HYAL3: variants seen among roughly 807,000 people sequenced by gnomAD.
The protein encoded by HYAL3 is hyaluronidase-3.
HYAL3 carries 25 observed loss-of-function variants against 29.6 expected under a neutral mutation model. That is an observed-to-expected ratio of 0.85 (90% CI 0.62 to 1.18). The LOEUF (loss-of-function observed/expected upper bound fraction) is 1.18, where lower values mean the gene tolerates loss of function less well. Ranked by LOEUF, HYAL3 falls within the 50% of genes most tolerant of loss-of-function variation. HYAL3 has a pLI of 0.00. For synonymous variants in HYAL3, 215 were observed against 218.3 expected (o/e 0.99, Z 0.13); for missense variants, 442 against 548.4 (o/e 0.81, Z 1.94).
rs1553710180 is a variant in HYAL3 at position 50,292,848 on chromosome 3, CT to C, written c.*397del. 2 of 1,495,274 alleles carry C rather than the reference CT, an allele frequency of 1.3e-6. No individual in the cohort carries two copies. The highest frequency in any genetic ancestry group is 9.0e-7 in the Non-Finnish European group (1 of 1,114,292). 92.6% of individuals were successfully genotyped at this position (1,495,274 alleles called of 1,614,324 possible). On this transcript the variant is annotated 3_prime_UTR_variant, in exon 4 of 4. Transcript: ENST00000336307. ...AACCTCAGGCAGTGGAAAAAAGTGA[CT>C]TTATGATGAAAGAGTGCAGACAACA...
chr3:50,297,257 G>T lies in HYAL3; in HGVS notation c.-17-1638C>A. ...GGTCAGCACAAGCATCCAGGAGCTCGGGTCGGCGGTGCACAGGCTCCAGGG... is the reference window on the plus strand; with the variant it reads ...GGTCAGCACAAGCATCCAGGAGCTCTGGTCGGCGGTGCACAGGCTCCAGGG... On this transcript the variant is annotated intron_variant, in intron 1 of 3. Transcript: ENST00000336307. The surrounding 1 kb of genome is among the most constrained non-coding windows in gnomAD (Gnocchi z 4.3). 6.2e-7 allele frequency: 1 copy of T among 1,610,384 alleles called. No homozygotes were observed. Among genetic ancestry groups the T allele is most frequent in the Non-Finnish European group, 8.5e-7 (1 of 1,177,598 alleles).
At position 50,297,334 on chromosome 3, in the gene HYAL3, C is replaced by A; in HGVS notation, c.-17-1715G>T. 1 of 1,609,164 alleles carries A rather than the reference C, an allele frequency of 6.2e-7. No homozygotes were observed. Among genetic ancestry groups the A allele is most frequent in the Non-Finnish European group, 8.5e-7 (1 of 1,177,096 alleles). ...GTCTCCTCTGGCTGGTGTTCAGGATCCAGGGTAAGCTCAGTTGGACCAGGA... is the reference window on the plus strand; with the variant it reads ...GTCTCCTCTGGCTGGTGTTCAGGATACAGGGTAAGCTCAGTTGGACCAGGA... On this transcript the variant is annotated intron_variant, in intron 1 of 3. Coordinates refer to ENST00000336307, the MANE Select transcript of HYAL3 (RefSeq NM_003549.4). This position sits in a 1 kb window ranked among gnomAD's most constrained non-coding sequence, Gnocchi z 4.3.
Position 50,293,180 on chromosome 3 carries a change from A to C in HYAL3, c.*66T>G. The C allele has an allele frequency of 1.2e-6, 2 of 1,600,234 alleles. No individual in the cohort carries two copies. Among genetic ancestry groups the C allele is most frequent in the Non-Finnish European group, 1.7e-6 (2 of 1,168,804 alleles). On this transcript the variant is annotated 3_prime_UTR_variant, in exon 4 of 4. Coordinates refer to ENST00000336307, the MANE Select transcript of HYAL3 (RefSeq NM_003549.4). ...AAACTGAATAGAGCAAGAGTGGGAC[A>C]GAGTAGTTCCAGGACTGGAAAAGTG... is the stretch of plus-strand genomic sequence containing the variant.
Position 50,297,377 on chromosome 3 carries a change from T to G in HYAL3, c.-17-1758A>C. The G allele has an allele frequency of 6.2e-7, 1 of 1,613,338 alleles. No homozygotes were observed. Among genetic ancestry groups the G allele is most frequent in the Non-Finnish European group, 8.5e-7 (1 of 1,179,668 alleles). On this transcript the variant is annotated intron_variant, in intron 1 of 3. Coordinates refer to ENST00000336307, the MANE Select transcript of HYAL3 (RefSeq NM_003549.4). This position sits in a 1 kb window ranked among gnomAD's most constrained non-coding sequence, Gnocchi z 4.3. The stretch of plus-strand genomic sequence containing the variant: ...GACCAGGATTGAAGGTCATCTCTGG[T>G]TGGCATGTGGAATCCAGGGGCAGCT...
In HYAL3 at chr3:50,297,532, G is replaced by T; in HGVS notation, c.-18+1681C>A. On this transcript the variant is annotated intron_variant, in intron 1 of 3. Transcript: ENST00000336307. The surrounding 1 kb of genome is among the most constrained non-coding windows in gnomAD (Gnocchi z 4.3). ...GGGCTCAGAGTCAGCTCTTGCCTAT[G>T]CACAGGATCCAGGTTCAGCTGAGTC... The T allele has an allele frequency of 6.6e-7, 1 of 1,516,838 alleles. No individual in the cohort carries two copies. The highest frequency in any genetic ancestry group is 8.8e-7 in the Non-Finnish European group (1 of 1,130,282). 94.0% of individuals were successfully genotyped at this position (1,516,838 alleles called of 1,614,324 possible).
chr3:50,293,829 T>G, intron 2 of HYAL3, 108 bp from the exon 3 acceptor site: 2 of 991,206 alleles, frequency 2.0e-6, no homozygotes, highest in Non-Finnish European at 3.1e-6. Context: ...TGATTCTAAC[T>G]CTACAGTAGG....
rs1211308341 is a variant in HYAL3, at chr3:50,293,273, G to A, written c.1227C>T (p.Pro409=). The part of the protein sequence containing the change: ...WGWAGPTCQE[P]RPGPKEAV ...ATACTGCTTCTTTAGGCCCAGGCCT[G>A]GGCTCCTGGCAGGTGGGGCCAGCCC... Residue 409 remains proline, a synonymous_variant, in exon 4 of 4, where the codon CCC becomes CCT. Transcript: ENST00000336307. 3.7e-6 allele frequency: 6 copies of A among 1,613,060 alleles called. No homozygotes were observed. The highest frequency in any genetic ancestry group is 5.1e-6 in the Non-Finnish European group (6 of 1,180,022).
Position 50,297,489 on chromosome 3 carries a change from G to A in HYAL3, c.-18+1724C>T. The stretch of plus-strand genomic sequence containing the variant: ...CCGGTGTGTAGGGTCTAGTGTAGGG[G>A]TCAGCTTGGCTGGGCCAGGGCTCAG... On this transcript the variant is annotated intron_variant, in intron 1 of 3. Coordinates refer to ENST00000336307, the MANE Select transcript of HYAL3 (RefSeq NM_003549.4). The surrounding 1 kb of genome is among the most constrained non-coding windows in gnomAD (Gnocchi z 4.3). 2 of 1,560,328 alleles carry A rather than the reference G, an allele frequency of 1.3e-6. No homozygotes were observed. Among genetic ancestry groups the A allele is most frequent in the Non-Finnish European group, 1.7e-6 (2 of 1,149,570 alleles).
rs782500955 is a variant in HYAL3 at position 50,293,069 on chromosome 3, C to T, written c.*177G>A. Reference sequence around the variant, plus strand: ...GGACTCACATGATCTCAGAGGGCCTCTGGTTTTATAAGCGTTTTTTCTGGC... The same window carrying T: ...GGACTCACATGATCTCAGAGGGCCTTTGGTTTTATAAGCGTTTTTTCTGGC... On this transcript the variant is annotated 3_prime_UTR_variant, in exon 4 of 4. Coordinates refer to ENST00000336307, the MANE Select transcript of HYAL3 (RefSeq NM_003549.4). 5.6e-6 allele frequency: 8 copies of T among 1,426,016 alleles called. No individual in the cohort carries two copies. In the African/African-American group the frequency reaches 1.1e-4, roughly 20 times the overall value. The allele number at this position is 1,426,016 out of a possible 1,614,324, so 88.3% of individuals were successfully genotyped here.
intron 1 of HYAL3, 161 bp downstream of exon 1, chr3:50,299,052 A>G (rs935696923): frequency 6.3e-7 from 1 of 1,577,954 alleles, no homozygotes; most frequent in Middle Eastern, 2.2e-4. Context: ...GCTTTTGGGA[A>G]TGAGGACTTC....
In HYAL3 at chr3:50,292,914, C is replaced by T. The variant is rs1390657818; in HGVS notation, c.*332G>A. The stretch of plus-strand genomic sequence containing the variant: ...CGACCTTCGCCAAGATTTTTTGGGG[C>T]CCATCTGCCCGTGCACGGCCCATCT... On this transcript the variant is annotated 3_prime_UTR_variant, in exon 4 of 4. Coordinates refer to ENST00000336307, the MANE Select transcript of HYAL3 (RefSeq NM_003549.4). The T allele has an allele frequency of 4.6e-6, 7 of 1,506,168 alleles. No individual in the cohort carries two copies. The highest frequency in any genetic ancestry group is 6.2e-6 in the Non-Finnish European group (7 of 1,121,508). The allele number at this position is 1,506,168 out of a possible 1,614,324, so 93.3% of individuals were successfully genotyped here. A position where few individuals can be genotyped will look rare whatever the true frequency, so the allele number is the denominator to read the frequency against.
At chr3:50,296,785 G>A (rs1701863992) in intron 1 of HYAL3, 4 of 1,591,412 alleles carry the variant, frequency 2.5e-6, no homozygotes, top group South Asian at 2.3e-5. Context: ...TGGGCAGTCA[G>A]GTTTGGGGCC....
intron 1 of HYAL3, chr3:50,298,206 G>C (rs1318690075): frequency 3.0e-6 from 2 of 663,512 alleles, no homozygotes; most frequent in Admixed American, 6.3e-5. Flanking sequence ...CCTATGTTCC[G>C]AGTCTCCTCC....
In HYAL3 at chr3:50,295,524, G is replaced by C. The variant is rs782660229; in HGVS notation, c.79C>G (p.Pro27Ala). 1 of 1,599,998 alleles carries C rather than the reference G, an allele frequency of 6.3e-7. No individual in the cohort carries two copies. The highest frequency in any genetic ancestry group is 1.7e-5 in the Admixed American group (1 of 59,240). The change falls in exon 2 of 4, where the codon CCT (proline) becomes GCT (alanine). Residue 27 changes from proline (P) to alanine (A), a missense_variant. Physicochemically the swap from Pro to Ala is conservative, Grantham distance 27. Coordinates refer to ENST00000336307, the MANE Select transcript of HYAL3 (RefSeq NM_003549.4). ...CACAGCACAGAGAAGGGGCGTTCAG[G>C]GACCTGTGGTAGGGGCTGGCCACAA... ...LGCGQPLPQV[P>A]ERPFSVLWNV... is the part of the protein sequence containing the mutation.
intron 1 of HYAL3, among the ~76,000 whole-genome samples, chr3:50,295,925 TC>T (rs1701825691): frequency 6.6e-6 from 1 of 152,110 alleles, no homozygotes; most frequent in African/African-American, 2.4e-5. Flanking sequence ...CTGTCACAAG[TC>T]CCCTTCTTTC....
At position 50,292,934 on chromosome 3, in the gene HYAL3, C is replaced by T. The variant is rs1553710213; in HGVS notation, c.*312G>A. On this transcript the variant is annotated 3_prime_UTR_variant, in exon 4 of 4. Transcript: ENST00000336307. ...TGGGGCCCATCTGCCCGTGCACGGC[C>T]CATCTGTGACCTCTCCATGGGCTTA... is the stretch of plus-strand genomic sequence containing the variant. 6.6e-7 allele frequency: 1 copy of T among 1,524,332 alleles called. No homozygotes were observed. The highest frequency in any genetic ancestry group is 8.8e-7 in the Non-Finnish European group (1 of 1,132,928). 94.4% of individuals were successfully genotyped at this position (1,524,332 alleles called of 1,614,324 possible).
chr3:50,293,345 G>A lies in HYAL3; in HGVS notation c.1155C>T (p.Gly385=). ...TGAAGGACTTCCAATCTCCAAGGCT[G>A]CCGTCTGGCCACAGGTGTAGAAAGG... ...MEAFLHLWPD[G]SLGDWKSFSC... is the part of the protein sequence containing the mutation. The change falls in exon 4 of 4, where the codon GGC becomes GGT. Residue 385 remains glycine, a synonymous_variant. Coordinates refer to ENST00000336307, the MANE Select transcript of HYAL3 (RefSeq NM_003549.4). 1 of 1,613,422 alleles carries A rather than the reference G, an allele frequency of 6.2e-7. No individual in the cohort carries two copies. The highest frequency in any genetic ancestry group is 8.5e-7 in the Non-Finnish European group (1 of 1,180,028).
rs782323509 is a variant in HYAL3, at chr3:50,296,974, C to A, written c.-17-1355G>T. On this transcript the variant is annotated intron_variant, in intron 1 of 3. Coordinates refer to ENST00000336307, the MANE Select transcript of HYAL3 (RefSeq NM_003549.4). ...AGCTTGCGGAAGCCCCGGGCCCGAGCAAAGACCTCCAGGCCCTCCATGAGG... is the reference window on the plus strand; with the variant it reads ...AGCTTGCGGAAGCCCCGGGCCCGAGAAAAGACCTCCAGGCCCTCCATGAGG... 6 of 1,588,756 alleles carry A rather than the reference C, an allele frequency of 3.8e-6. No individual in the cohort carries two copies. In the South Asian group the frequency reaches 6.9e-5, roughly 18 times the overall value.
Position 50,293,408 on chromosome 3 carries a change from G to T in HYAL3, c.1092C>A (p.His364Gln). The change falls in exon 4 of 4, where the codon CAC becomes CAA. Residue 364 changes from histidine to glutamine, a missense_variant. Coordinates refer to ENST00000336307, the MANE Select transcript of HYAL3 (RefSeq NM_003549.4). ...MACSHQRCHG[H>Q]GRCARRDPGQ... Reference sequence around the variant, plus strand: ...CTGGATCTCGCCGGGCACAGCGCCCGTGGCCATGGCACCGCTGGTGACTGC... The same window carrying T: ...CTGGATCTCGCCGGGCACAGCGCCCTTGGCCATGGCACCGCTGGTGACTGC... The T allele has an allele frequency of 6.2e-7, 1 of 1,613,672 alleles. No individual in the cohort carries two copies. Among genetic ancestry groups the T allele is most frequent in the Non-Finnish European group, 8.5e-7 (1 of 1,180,022 alleles).
Sources: allele counts gnomAD v4.1 joint callset (sites outside exome capture counted in the v4.1 genomes callset), GRCh38; gene constraint gnomAD v4.1.1; non-coding constraint Gnocchi (gnomAD v3.1); transcripts MANE v1.5; gene names NCBI Gene and HGNC (gene_info 2026-07-23, HGNC 2026-07-21).